Variants in ITPK1 observed in about 807,000 individuals in gnomAD.
The protein encoded by ITPK1 is inositol-tetrakisphosphate 1-kinase.
Under a neutral mutation model 45.3 loss-of-function variants are expected in ITPK1, and 21 were observed. That is an observed-to-expected ratio of 0.46 (90% CI 0.33 to 0.67). The LOEUF (loss-of-function observed/expected upper bound fraction) is 0.67. Among genes scored for constraint, ITPK1 ranks in the 30% least tolerant of loss-of-function variants. The pLI, the probability that ITPK1 is intolerant of heterozygous loss-of-function variation, is 0.02. For synonymous variants in ITPK1, 258 were observed against 253.6 expected (o/e 1.02, Z -0.16); for missense variants, 474 against 573.5 (o/e 0.83, Z 1.77).
Position 92,958,346 on chromosome 14 carries a change from C to T in ITPK1, c.525G>A (p.Gln175=). Residue 175 remains glutamine, a synonymous_variant, in exon 8 of 11, where the codon CAG becomes CAA. Coordinates refer to ENST00000267615, the MANE Select transcript of ITPK1 (RefSeq NM_014216.6). The surrounding 1 kb of genome is among the most constrained non-coding windows in gnomAD (Gnocchi z 4.4). ...NSHEMAIVFN[Q]EGLNAIQPPC... ...GTGGCTGGATGGCGTTCAGGCCCTC[C>T]TGGTTGAACACGATAGCCATCTGGG... is the stretch of plus-strand genomic sequence containing the variant. 1 of 1,614,160 alleles carries T rather than the reference C, an allele frequency of 6.2e-7. No individual in the cohort carries two copies. Among genetic ancestry groups the T allele is most frequent in the Non-Finnish European group, 8.5e-7 (1 of 1,180,014 alleles).
At chr14:92,953,962 C>T (rs748457087) in intron 8 of ITPK1, among the ~76,000 whole-genome samples, 8 of 152,180 alleles carry the variant, frequency 5.3e-5, no homozygotes, top group African/African-American at 9.6e-5. Context: ...GGCCCGATCT[C>T]GGCTCACTGC....
At chr14:92,969,034 T>C (rs572466051) in intron 5 of ITPK1, among the ~76,000 whole-genome samples, 2 of 152,288 alleles carry the variant, frequency 1.3e-5, no homozygotes, top group South Asian at 4.1e-4. Context: ...CTGCTATGTC[T>C]GCACCGCTTG....
chr14:93,100,012 G>A (rs544276106), intron 2 of ITPK1, among the ~76,000 whole-genome samples: 8 of 152,222 alleles, frequency 5.3e-5, no homozygotes, highest in South Asian at 4.1e-4. Flanking sequence ...CAGGGAGCAC[G>A]TCCACTCCCA....
At chr14:93,022,281 G>T (rs759737258) in intron 3 of ITPK1, among the ~76,000 whole-genome samples, 3 of 152,212 alleles carry the variant, frequency 2.0e-5, no homozygotes, top group Non-Finnish European at 4.4e-5. Context: ...CTGGCCTAGG[G>T]AGAGTCACTG....
chr14:93,048,217 G>C (rs1889862792), intron 3 of ITPK1, among the ~76,000 whole-genome samples: 1 of 152,226 alleles, frequency 6.6e-6, no homozygotes, highest in East Asian at 1.9e-4. Flanking sequence ...GACATCGATG[G>C]TAGTAACACT....
At chr14:92,952,054 T>G (rs1887981981) in intron 8 of ITPK1, 41 bp from the exon 9 acceptor site, 1 of 1,499,356 alleles carries the variant, frequency 6.7e-7, no homozygotes, top group South Asian at 1.2e-5. Flanking sequence ...AGAACCTCAA[T>G]GCAGGGACCA....
intron 3 of ITPK1, among the ~76,000 whole-genome samples, chr14:93,060,300 C>G (rs976821937): frequency 4.6e-5 from 7 of 152,218 alleles, no homozygotes; most frequent in Admixed American, 4.6e-4. Flanking sequence ...GCTTTCAAGG[C>G]TCTCTTTGAA....
Position 92,958,260 on chromosome 14 carries a change from C to T in ITPK1, c.611G>A (p.Gly204Asp), listed in dbSNP as rs1230626792. 1.2e-6 allele frequency: 2 copies of T among 1,612,684 alleles called. No homozygotes were observed. The highest frequency in any genetic ancestry group is 2.7e-5 in the African/African-American group (2 of 74,532). Residue 204 changes from glycine (G) to aspartate (D), a missense_variant, in exon 8 of 11, where the codon GGC (glycine) becomes GAC (aspartate). Coordinates refer to ENST00000267615, the MANE Select transcript of ITPK1 (RefSeq NM_014216.6). This position sits in a 1 kb window ranked among gnomAD's most constrained non-coding sequence, Gnocchi z 4.4. ...NAVLYKVFVVGESYTVVQRPS... is the reference protein window; with the variant it reads ...NAVLYKVFVVDESYTVVQRPS... ...CCTCTGGACCACGGTGTAGGACTCG[C>T]CAACCACGAACACCTTGTACAGGAC...
chr14:93,105,522 C>CT (rs11285368), intron 2 of ITPK1, among the ~76,000 whole-genome samples: 21 of 100,080 alleles, frequency 2.1e-4, no homozygotes, highest in South Asian at 1.7e-3. Context: ...GCCCCTGGAG[C>CT]TTTTTTTTTT....
intron 2 of ITPK1, among the ~76,000 whole-genome samples, chr14:93,106,249 G>A (rs1475559169): frequency 6.8e-6 from 1 of 146,182 alleles, no homozygotes; most frequent in African/African-American, 2.4e-5. Context: ...CCCACGGGGA[G>A]CATTTTGTCT....
At chr14:92,947,943 A>C (rs956639699) in intron 9 of ITPK1, among the ~76,000 whole-genome samples, 4 of 152,222 alleles carry the variant, frequency 2.6e-5, no homozygotes, top group Admixed American at 1.3e-4. Context: ...TTCATACCCC[A>C]GCGTGCATCC....
At chr14:92,982,411 C>T (rs575101039) in intron 5 of ITPK1, among the ~76,000 whole-genome samples, 33 of 152,276 alleles carry the variant, frequency 2.2e-4, no homozygotes, top group Middle Eastern at 3.4e-3. Context: ...CCAGCTGTGG[C>T]CGCCTTGCAA....
chr14:92,949,170 C>G (rs763706384), intron 9 of ITPK1, among the ~76,000 whole-genome samples: 1 of 152,026 alleles, frequency 6.6e-6, no homozygotes, highest in Non-Finnish European at 1.5e-5. Flanking sequence ...CACAACTCAC[C>G]GCAGCCTCGA....
chr14:93,004,403 C>G (rs984402676), intron 4 of ITPK1, among the ~76,000 whole-genome samples: 60 of 152,332 alleles, frequency 3.9e-4, no homozygotes, highest in African/African-American at 1.3e-3. Flanking sequence ...CCCCCATCAG[C>G]AGACACTTGG....
In ITPK1 at chr14:93,034,987, G is replaced by A. The variant is rs1363792814; in HGVS notation, c.121-18186C>T. Among the ~76,000 whole-genome samples the A allele has an allele frequency of 6.6e-6, 1 of 152,236 alleles. No homozygotes were observed. The highest frequency in any genetic ancestry group is 2.4e-5 in the African/African-American group (1 of 41,456). On this transcript the variant is annotated intron_variant, in intron 3 of 10. Transcript: ENST00000267615. The surrounding 1 kb of genome is among the most constrained non-coding windows in gnomAD (Gnocchi z 4.1). ...GCCTCTGGGCACCTGCACCTACAAA[G>A]CAAGTCCTACAGGGTGAACACACCT...
In ITPK1 at chr14:92,940,864, C is replaced by T. The variant is rs773203830; in HGVS notation, c.*697G>A. 90 of 1,288,552 alleles carry T rather than the reference C, an allele frequency of 7.0e-5. No individual in the cohort carries two copies. Among genetic ancestry groups the T allele is most frequent in the East Asian group, 1.7e-4 (3 of 18,032 alleles). 79.8% of individuals were successfully genotyped at this position (1,288,552 alleles called of 1,614,324 possible). A position where few individuals can be genotyped will look rare whatever the true frequency, so the allele number is the denominator to read the frequency against. Reference sequence around the variant, plus strand: ...CAGTGCTGGCTTAGGGGAAGGAGACCGCTGTGCAGGGCTAAATGGGACGTG... The same window carrying T: ...CAGTGCTGGCTTAGGGGAAGGAGACTGCTGTGCAGGGCTAAATGGGACGTG... On this transcript the variant is annotated 3_prime_UTR_variant, in exon 11 of 11. Transcript: ENST00000267615.
chr14:92,983,376 T>C (rs1395900257), intron 5 of ITPK1, among the ~76,000 whole-genome samples: 1 of 152,202 alleles, frequency 6.6e-6, no homozygotes. Flanking sequence ...GTAGTACCTA[T>C]TCTAAAAGCA....
chr14:92,946,943 G>A (rs1025497996), intron 9 of ITPK1, among the ~76,000 whole-genome samples: 1 of 152,260 alleles, frequency 6.6e-6, no homozygotes, highest in Non-Finnish European at 1.5e-5. Flanking sequence ...GCCGGAACTT[G>A]GAGGCAGGAG....
intron 5 of ITPK1, among the ~76,000 whole-genome samples, chr14:92,981,560 A>T (rs1284384708): frequency 6.6e-6 from 1 of 152,056 alleles, no homozygotes; most frequent in African/African-American, 2.4e-5. Context: ...CTCCCATGGG[A>T]GTGGGATTTC....
Sources: gnomAD v4.1 joint callset for allele counts (sites outside exome capture counted in the v4.1 genomes callset) on GRCh38, gnomAD v4.1.1 for gene constraint, Gnocchi (gnomAD v3.1) non-coding constraint, MANE v1.5 for transcripts, NCBI Gene and HGNC (gene_info 2026-07-23, HGNC 2026-07-21) for gene names.